Variants in PTGER3 observed in about 807,000 individuals in gnomAD.
The protein encoded by PTGER3 is prostaglandin E2 receptor EP3 subtype.
PTGER3 carries 22 observed loss-of-function variants against 34.7 expected under a neutral mutation model. The ratio of observed to expected loss-of-function variants is 0.63; its 90% CI spans 0.45 to 0.91. The LOEUF (loss-of-function observed/expected upper bound fraction) is 0.91. PTGER3 is among the 40% of genes least tolerant of loss of function. PTGER3 has a pLI of 0.00. For synonymous variants in PTGER3, 241 were observed against 230.1 expected, an observed-to-expected ratio of 1.05 and a Z score of -0.43; for missense variants, 468 against 519.4, an observed-to-expected ratio of 0.90 and a Z score of 0.96.
At position 70,971,371 on chromosome 1, in the gene PTGER3, G is replaced by A; in HGVS notation, c.*359C>T. ...TTGCAAAAGCAAGCTATCATGAAAT[G>A]TAAAGATGTCCACTTTGGTTAAGAT... On this transcript the variant is annotated 3_prime_UTR_variant, in exon 4 of 4. Coordinates refer to ENST00000306666, the MANE Select transcript of PTGER3 (RefSeq NM_198719.2). The A allele has an allele frequency of 9.8e-7, 1 of 1,019,498 alleles. No individual in the cohort carries two copies. Among genetic ancestry groups the A allele is most frequent in the Non-Finnish European group, 1.2e-6 (1 of 852,908 alleles). The allele number at this position is 1,019,498 out of a possible 1,614,324, so 63.2% of individuals were successfully genotyped here. A position where few individuals can be genotyped will look rare whatever the true frequency, so the allele number is the denominator to read the frequency against.
Position 70,886,713 on chromosome 1 carries a change from G to A in PTGER3, c.*24-33854C>T, listed in dbSNP as rs139400822. On this transcript the variant is annotated intron_variant, in intron 4 of 4. Transcript: ENST00000370931. The stretch of plus-strand genomic sequence containing the variant: ...TCTGTCTCCCCTAACTAGAATAAGC[G>A]TCTCATGAGGACAGGAATTTTTGTA... Among the ~76,000 whole-genome samples the A allele has an allele frequency of 1.1e-4, 17 of 152,264 alleles. No individual in the cohort carries two copies. In the East Asian group the frequency reaches 1.5e-3, roughly 14 times the overall value.
chr1:71,024,478 T>A (rs1658703338), intron 1 of PTGER3, among the ~76,000 whole-genome samples: 1 of 152,112 alleles, frequency 6.6e-6, no homozygotes. Flanking sequence ...CTATCCTATA[T>A]TCTAGGTATA....
In PTGER3 at chr1:70,971,550, G is replaced by T; in HGVS notation, c.*180C>A. On this transcript the variant is annotated 3_prime_UTR_variant, in exon 4 of 4. Coordinates refer to ENST00000306666, the MANE Select transcript of PTGER3 (RefSeq NM_198719.2). ...AAACCAATCTAATATTCAGAGGCAT[G>T]GATTATAATAATAAAGTTGATCTCC... 1 of 1,250,350 alleles carries T rather than the reference G, an allele frequency of 8.0e-7. No homozygotes were observed. The highest frequency in any genetic ancestry group is 1.0e-6 in the Non-Finnish European group (1 of 990,130). 77.5% of individuals were successfully genotyped at this position (1,250,350 alleles called of 1,614,324 possible). A position where few individuals can be genotyped will look rare whatever the true frequency, so the allele number is the denominator to read the frequency against.
chr1:71,042,529 C>G (rs1660405888), intron 1 of PTGER3, among the ~76,000 whole-genome samples: 1 of 151,668 alleles, frequency 6.6e-6, no homozygotes, highest in African/African-American at 2.4e-5. Flanking sequence ...ACCTTCACAC[C>G]TTTTTCAAAA....
At chr1:70,943,619 C>A (rs899936255) in intron 4 of PTGER3, among the ~76,000 whole-genome samples, 1 of 152,034 alleles carries the variant, frequency 6.6e-6, no homozygotes, top group Non-Finnish European at 1.5e-5. Context: ...TTGGTTTAAC[C>A]CAGTCTCTAT....
At chr1:70,986,664 A>G (rs1385485939) in intron 2 of PTGER3, among the ~76,000 whole-genome samples, 1 of 152,152 alleles carries the variant, frequency 6.6e-6, no homozygotes, top group Non-Finnish European at 1.5e-5. Context: ...GGAGGACCCA[A>G]AGGGCAGGAT....
intron 2 of PTGER3, chr1:71,006,214 T>G: frequency 1.0e-6 from 1 of 985,416 alleles, no homozygotes; most frequent in South Asian, 4.7e-5. Context: ...GATCTGGTCC[T>G]AGGCCTAGAA....
chr1:70,865,424 G>A (rs1165494160), intron 4 of PTGER3, among the ~76,000 whole-genome samples: 2 of 152,070 alleles, frequency 1.3e-5, no homozygotes, highest in African/African-American at 2.4e-5. Context: ...GAGATTATGA[G>A]GGACCCCTTT....
At chr1:70,963,154 A>G (rs142341327) in intron 2 of PTGER3, among the ~76,000 whole-genome samples, 1,763 of 152,278 alleles carry the variant, frequency 0.012, 31 homozygotes, top group African/African-American at 0.04. Flanking sequence ...CGCCAATGCA[A>G]AAGGTGGGTT....
chr1:70,875,920 G>A (rs556421528), intron 4 of PTGER3, among the ~76,000 whole-genome samples: 56 of 152,200 alleles, frequency 3.7e-4, no homozygotes, highest in African/African-American at 1.2e-3. Flanking sequence ...GAGTCTTTAT[G>A]GTAGAATGAT....
Position 71,012,288 on chromosome 1 carries a change from G to A in PTGER3, c.1077+17C>T. ...TTTCTGTCCATCATTAGAGCAGCTG[G>A]AGACAGCATTTGCTACCTGGCAAAA... On this transcript the variant is annotated intron_variant, in intron 2 of 3. Transcript: ENST00000306666. 1 of 1,614,118 alleles carries A rather than the reference G, an allele frequency of 6.2e-7. No individual in the cohort carries two copies. The highest frequency in any genetic ancestry group is 2.2e-5 in the East Asian group (1 of 44,862).
chr1:70,955,027 A>G (rs1258285040), intron 2 of PTGER3, among the ~76,000 whole-genome samples: 1 of 152,152 alleles, frequency 6.6e-6, no homozygotes. Context: ...TTCTTTAAGA[A>G]ACTATAATTA....
intron 4 of PTGER3, among the ~76,000 whole-genome samples, chr1:70,896,136 CCTTA>C: frequency 6.6e-6 from 1 of 151,964 alleles, no homozygotes; most frequent in African/African-American, 2.4e-5. Flanking sequence ...TTTCAAATGT[CCTTA>C]CTTAATTAAA....
intron 2 of PTGER3, among the ~76,000 whole-genome samples, chr1:70,962,215 C>T (rs1652001452): frequency 6.6e-6 from 1 of 152,156 alleles, no homozygotes; most frequent in African/African-American, 2.4e-5. Context: ...CTCTATTCTA[C>T]TTTTGAAGAA....
chr1:70,877,201 A>T (rs1010107500), intron 4 of PTGER3, among the ~76,000 whole-genome samples: 2 of 151,880 alleles, frequency 1.3e-5, no homozygotes, highest in African/African-American at 4.8e-5. Flanking sequence ...TAGATATTTT[A>T]TTCTTTTTGT....
At chr1:70,933,272 ACT>A (rs1040492567) in intron 4 of PTGER3, among the ~76,000 whole-genome samples, 1 of 151,310 alleles carries the variant, frequency 6.6e-6, no homozygotes, top group African/African-American at 2.4e-5. Context: ...ACAGGAATAA[ACT>A]CTGTCCTCTC....
At chr1:70,852,698 A>G (rs747142915) in exon 5 of PTGER3, 4 of 977,322 alleles carry the variant, frequency 4.1e-6, no homozygotes, top group Non-Finnish European at 6.5e-6. Flanking sequence ...CTTCTGGATA[A>G]CAGTTATATT....
chr1:70,994,619 G>A (rs1246947246), intron 2 of PTGER3, among the ~76,000 whole-genome samples: 11 of 151,814 alleles, frequency 7.2e-5, no homozygotes, highest in African/African-American at 2.2e-4. Flanking sequence ...CACCACGCCC[G>A]GCTAATTTTT....
chr1:70,923,209 G>GT (rs34738930), intron 4 of PTGER3, among the ~76,000 whole-genome samples: 41,189 of 148,680 alleles, frequency 0.28, 6,032 homozygotes, highest in East Asian at 0.43. Flanking sequence ...ATGGTGCTTG[G>GT]TTTTTTTTTT....
Sources: gnomAD v4.1 joint callset for allele counts (sites outside exome capture counted in the v4.1 genomes callset) on GRCh38, gnomAD v4.1.1 for gene constraint, MANE v1.5 for transcripts, NCBI Gene and HGNC (gene_info 2026-07-23, HGNC 2026-07-21) for gene names.